ZMAT4: variants seen among roughly 807,000 people sequenced by gnomAD.
The protein encoded by ZMAT4 is zinc finger matrin-type protein 4.
Under a neutral mutation model 28.7 loss-of-function variants are expected in ZMAT4, and 17 were observed. The ratio of observed to expected loss-of-function variants is 0.59; its 90% CI spans 0.41 to 0.89. The LOEUF is 0.89. Ranked by LOEUF, ZMAT4 falls within the 40% of genes least tolerant of loss-of-function variation. The pLI, the probability that ZMAT4 is intolerant of heterozygous loss-of-function variation, is 0.00. For synonymous variants in ZMAT4, 117 were observed against 109.2 expected (o/e 1.07, Z -0.44); for missense variants, 240 against 283.8 (o/e 0.85, Z 1.11).
intron 1 of ZMAT4, among the ~76,000 whole-genome samples, chr8:40,888,876 C>A (rs1310862118): frequency 6.6e-6 from 1 of 152,210 alleles, no homozygotes; most frequent in Non-Finnish European, 1.5e-5. Flanking sequence ...AAAGGCATGG[C>A]TTCTGGGAAG....
intron 6 of ZMAT4, among the ~76,000 whole-genome samples, chr8:40,568,798 C>T (rs1804003270): frequency 6.6e-6 from 1 of 152,104 alleles, no homozygotes; most frequent in African/African-American, 2.4e-5. Flanking sequence ...GTCTCATTCC[C>T]AATACACATT....
intron 5 of ZMAT4, among the ~76,000 whole-genome samples, chr8:40,621,158 C>A (rs12541960): frequency 0.065 from 9,908 of 152,160 alleles, 499 homozygotes; most frequent in Admixed American, 0.15. Flanking sequence ...TCAGCCCTAC[C>A]AGCGAGGGAG....
intron 5 of ZMAT4, among the ~76,000 whole-genome samples, chr8:40,608,039 G>A (rs1010298752): frequency 1.9e-4 from 29 of 152,258 alleles, no homozygotes; most frequent in Non-Finnish European, 3.2e-4. Context: ...TTTCAAGAGA[G>A]CATCAGTTGT....
intron 3 of ZMAT4, among the ~76,000 whole-genome samples, chr8:40,732,257 GA>G (rs1202916960): frequency 7.0e-6 from 1 of 143,704 alleles, no homozygotes; most frequent in African/African-American, 2.5e-5. Context: ...TAAAAATTGG[GA>G]AAAAAAGAAA....
intron 6 of ZMAT4, among the ~76,000 whole-genome samples, chr8:40,576,327 A>G (rs905852261): frequency 1.3e-5 from 2 of 152,070 alleles, no homozygotes; most frequent in African/African-American, 4.8e-5. Context: ...AAAGTTCCCA[A>G]GTAGATTAAA....
At chr8:40,822,666 G>C (rs1192615056) in intron 2 of ZMAT4, among the ~76,000 whole-genome samples, 1 of 152,192 alleles carries the variant, frequency 6.6e-6, no homozygotes, top group African/African-American at 2.4e-5. Flanking sequence ...TTGATATAAG[G>C]TATCCTCAGT....
At chr8:40,783,996 A>C (rs1158510761) in intron 2 of ZMAT4, among the ~76,000 whole-genome samples, 5 of 152,156 alleles carry the variant, frequency 3.3e-5, no homozygotes, top group Admixed American at 3.3e-4. Flanking sequence ...TGGCAACAAG[A>C]GCGAAACTCC....
At chr8:40,589,694 A>ACT (rs1804787095) in intron 5 of ZMAT4, among the ~76,000 whole-genome samples, 1 of 132,860 alleles carries the variant, frequency 7.5e-6, no homozygotes, top group East Asian at 2.4e-4. Context: ...TTACACTTAG[A>ACT]GACCTTCCTT....
At chr8:40,551,988 A>G (rs1803382664) in intron 6 of ZMAT4, among the ~76,000 whole-genome samples, 1 of 152,200 alleles carries the variant, frequency 6.6e-6, no homozygotes, top group Admixed American at 6.6e-5. Context: ...GCACGCCTTA[A>G]GAACTGTGTC....
At position 40,897,267 on chromosome 8, in the gene ZMAT4, C is replaced by T. The variant is rs559028803; in HGVS notation, c.-5+416G>A. 2.6e-5 allele frequency among the ~76,000 whole-genome samples: 4 copies of T among 152,276 alleles called. No homozygotes were observed. In the South Asian group the frequency reaches 8.3e-4, roughly 32 times the overall value. ...TTGGGGAAGGCAGATCAAGGTAATA[C>T]GAAGGGGACAGACCCTATAGCGGAA... is the stretch of plus-strand genomic sequence containing the variant. On this transcript the variant is annotated intron_variant, in intron 1 of 6. Transcript: ENST00000297737.
In ZMAT4 at chr8:40,589,731, C is replaced by CCTTTTTTCTTTCTTT. The variant is rs1554523987; in HGVS notation, c.578-8471_578-8470insAAAGAAAGAAAAAAG. Reference sequence around the variant, plus strand: ...CTTCTTCCTTCTTCCTTCTTCCTTTCCTTTCTTTCTTTCTTTCTTTCTTTC... The same window carrying CCTTTTTTCTTTCTTT: ...CTTCTTCCTTCTTCCTTCTTCCTTTCCTTTTTTCTTTCTTTCTTTCTTTCTTTCTTTCTTTCTTTC... On this transcript the variant is annotated intron_variant, in intron 5 of 6. Coordinates refer to ENST00000297737, the MANE Select transcript of ZMAT4 (RefSeq NM_024645.3). 6.1e-3 allele frequency among the ~76,000 whole-genome samples: 854 copies of CCTTTTTTCTTTCTTT among 139,380 alleles called. 11 individuals are homozygous for CCTTTTTTCTTTCTTT. The highest frequency in any genetic ancestry group is 0.015 in the African/African-American group (565 of 37,338). 91.4% of individuals were successfully genotyped at this position (139,380 alleles called of 152,430 possible).
chr8:40,765,128 A>G (rs1813096667), intron 3 of ZMAT4, among the ~76,000 whole-genome samples: 1 of 151,992 alleles, frequency 6.6e-6, no homozygotes, highest in African/African-American at 2.4e-5. Flanking sequence ...CACTGCACCC[A>G]CTCACCCAGA....
chr8:40,892,373 A>G (rs1256550440), intron 1 of ZMAT4, among the ~76,000 whole-genome samples: 1 of 151,374 alleles, frequency 6.6e-6, no homozygotes, highest in Non-Finnish European at 1.5e-5. Context: ...TCACAGCCAC[A>G]CTCAGGAGCC....
In ZMAT4 at chr8:40,881,528, C is replaced by CAGAAAGAAAGAA. The variant is rs201960642; in HGVS notation, c.-5+16143_-5+16154dup. Among the ~76,000 whole-genome samples the CAGAAAGAAAGAA allele has an allele frequency of 3.2e-3, 167 of 51,898 alleles. 3 individuals carry two copies. The highest frequency in any genetic ancestry group is 0.014 in the Middle Eastern group (2 of 144). 34.0% of individuals were successfully genotyped at this position (51,898 alleles called of 152,430 possible). ...AAGGAAGGAAGGGGAGAGAGAGAGA[C>CAGAAAGAAAGAA]AGAAAGAAAGAAAGAAAGAAAGAAA... On this transcript the variant is annotated intron_variant, in intron 1 of 6. Coordinates refer to ENST00000297737, the MANE Select transcript of ZMAT4 (RefSeq NM_024645.3).
chr8:40,721,550 C>T (rs1007900949), intron 3 of ZMAT4, among the ~76,000 whole-genome samples: 1 of 133,636 alleles, frequency 7.5e-6, no homozygotes, highest in African/African-American at 2.9e-5. Flanking sequence ...TGAGGAATCG[C>T]CACACTGATT....
chr8:40,674,475 A>G lies in ZMAT4; in HGVS notation c.577+229T>C, dbSNP rs972960190. 3 of 515,058 alleles carry G rather than the reference A, an allele frequency of 5.8e-6. No homozygotes were observed. In the Admixed American group the frequency reaches 9.9e-5, roughly 17 times the overall value. The allele number at this position is 515,058 out of a possible 1,614,324, so 31.9% of individuals were successfully genotyped here. The stretch of plus-strand genomic sequence containing the variant: ...GTTCATGAATGTGCCTTTGGTCTGA[A>G]AAGCAGTCAATAAAAATATGAAAAT... On this transcript the variant is annotated intron_variant, in intron 5 of 6. Coordinates refer to ENST00000297737, the MANE Select transcript of ZMAT4 (RefSeq NM_024645.3).
At chr8:40,788,353 G>A (rs1023610515) in intron 2 of ZMAT4, among the ~76,000 whole-genome samples, 17 of 152,168 alleles carry the variant, frequency 1.1e-4, no homozygotes, top group African/African-American at 3.9e-4. Context: ...GGGAGGCCGG[G>A]GCAGGCGGAT....
At chr8:40,728,208 A>G (rs1338581516) in intron 3 of ZMAT4, among the ~76,000 whole-genome samples, 2 of 152,204 alleles carry the variant, frequency 1.3e-5, no homozygotes, top group Non-Finnish European at 2.9e-5. Context: ...GCTTTGCTTG[A>G]TATTAAAACT....
intron 4 of ZMAT4, among the ~76,000 whole-genome samples, chr8:40,684,169 G>A (rs940846512): frequency 5.9e-5 from 9 of 151,982 alleles, no homozygotes; most frequent in East Asian, 1.9e-4. Context: ...CATTTCTTTC[G>A]TCCTAAGGGA....
Sources: allele counts gnomAD v4.1 joint callset (sites outside exome capture counted in the v4.1 genomes callset), GRCh38; gene constraint gnomAD v4.1.1; transcripts MANE v1.5; gene names NCBI Gene and HGNC (gene_info 2026-07-23, HGNC 2026-07-21).